The following CREB3L2 variants were observed in gnomAD, a reference collection of about 807,000 sequenced individuals.
CREB3L2 encodes the protein cAMP responsive element binding protein 3 like 2.
A neutral mutation model predicts 57.2 loss-of-function variants in CREB3L2; 23 were observed. That is an observed-to-expected ratio of 0.40 (90% CI 0.29 to 0.57). CREB3L2 has a LOEUF of 0.57. Among genes scored for constraint, CREB3L2 ranks in the 20% least tolerant of loss-of-function variants. CREB3L2 has a pLI of 0.42. For synonymous variants in CREB3L2, 268 were observed against 265.1 expected (o/e 1.01, Z -0.11); for missense variants, 628 against 634.7 (o/e 0.99, Z 0.11).
intron 2 of CREB3L2, among the ~76,000 whole-genome samples, chr7:137,927,693 G>A (rs1412214794): frequency 6.6e-6 from 1 of 151,520 alleles, no homozygotes; most frequent in Non-Finnish European, 1.5e-5. Flanking sequence ...TGTCCACTAA[G>A]ATCTGGGGTG....
chr7:137,984,170 G>A (rs1335416701), intron 1 of CREB3L2, among the ~76,000 whole-genome samples: 3 of 152,190 alleles, frequency 2.0e-5, no homozygotes, highest in Admixed American at 1.3e-4. Context: ...TTGGGAAAAT[G>A]TTATTTTGGG....
At chr7:137,972,713 A>AAAAAAAAAAAAAAC (rs1801533598) in intron 1 of CREB3L2, among the ~76,000 whole-genome samples, 1 of 32,932 alleles carries the variant, frequency 3.0e-5, no homozygotes, top group Non-Finnish European at 5.3e-5. Flanking sequence ...AAAAAAAAAA[A>AAAAAAAAAAAAAAC]TATATATATA....
At chr7:137,914,323 A>T (rs2117217406) in intron 3 of CREB3L2, among the ~76,000 whole-genome samples, 1 of 152,252 alleles carries the variant, frequency 6.6e-6, no homozygotes, top group African/African-American at 2.4e-5. Context: ...GAGCTTTGCT[A>T]GTTACATACT....
At chr7:137,948,429 T>C (rs1315585021) in intron 1 of CREB3L2, among the ~76,000 whole-genome samples, 1 of 152,184 alleles carries the variant, frequency 6.6e-6, no homozygotes, top group Non-Finnish European at 1.5e-5. Flanking sequence ...CCATAGCTTC[T>C]CCATCTCCTC....
chr7:137,877,631 T>C lies in CREB3L2; in HGVS notation c.*2845A>G. Reference sequence around the variant, plus strand: ...AAGAAAGGGAAATGGGAAACTTGTTTACATGATGAAAAATATAATTAAGAG... The same window carrying C: ...AAGAAAGGGAAATGGGAAACTTGTTCACATGATGAAAAATATAATTAAGAG... On this transcript the variant is annotated 3_prime_UTR_variant, in exon 12 of 12. Coordinates refer to ENST00000330387, the MANE Select transcript of CREB3L2 (RefSeq NM_194071.4). The C allele has an allele frequency of 1.8e-5, 4 of 226,108 alleles. No individual in the cohort carries two copies. The highest frequency in any genetic ancestry group is 3.5e-5 in the Non-Finnish European group (4 of 113,688). The allele number at this position is 226,108 out of a possible 1,614,324, so 14.0% of individuals were successfully genotyped here. A position where few individuals can be genotyped will look rare whatever the true frequency, so the allele number is the denominator to read the frequency against.
At chr7:137,921,034 T>C (rs1585626325) in intron 2 of CREB3L2, among the ~76,000 whole-genome samples, 1 of 152,220 alleles carries the variant, frequency 6.6e-6, no homozygotes, top group Non-Finnish European at 1.5e-5. Flanking sequence ...AAAAGATCAG[T>C]AGGGCCACCC....
rs543766767 is a variant in CREB3L2 at position 137,880,461 on chromosome 7, G to T, written c.*15C>A. 3.0e-5 allele frequency: 48 copies of T among 1,605,320 alleles called. No individual in the cohort carries two copies. In the East Asian group the frequency reaches 1.0e-3, roughly 34 times the overall value. On this transcript the variant is annotated 3_prime_UTR_variant, in exon 12 of 12. Coordinates refer to ENST00000330387, the MANE Select transcript of CREB3L2 (RefSeq NM_194071.4). The surrounding 1 kb of genome is among the most constrained non-coding windows in gnomAD (Gnocchi z 4.0). ...AGTAGAGTTAAGGGAAAGGGAGGGG[G>T]TGCAGGCAGCCTCTTTAGAAAGTGG...
Position 137,909,631 on chromosome 7 carries a change from G to A in CREB3L2, c.584-1195C>T, listed in dbSNP as rs539292687. On this transcript the variant is annotated intron_variant, in intron 4 of 11. Transcript: ENST00000330387. ...CAGAGAACTAACTGCTGAAGGCCAC[G>A]GGAAGCCTCAGCACATCACCTCCTT... is the stretch of plus-strand genomic sequence containing the variant. Among the ~76,000 whole-genome samples, 7 of 152,180 alleles carry A rather than the reference G, an allele frequency of 4.6e-5. No individual in the cohort carries two copies. In the South Asian group the frequency reaches 6.2e-4, roughly 14 times the overall value.
intron 1 of CREB3L2, among the ~76,000 whole-genome samples, chr7:137,976,154 T>C (rs1258464605): frequency 6.6e-6 from 1 of 152,264 alleles, no homozygotes; most frequent in African/African-American, 2.4e-5. Flanking sequence ...ATATGGATAT[T>C]TTATCAGCCA....
At chr7:137,952,568 C>A (rs1801122763) in intron 1 of CREB3L2, among the ~76,000 whole-genome samples, 1 of 152,190 alleles carries the variant, frequency 6.6e-6, no homozygotes, top group East Asian at 1.9e-4. Context: ...GATCTGGCCC[C>A]TGCTTTCCCG....
In CREB3L2 at chr7:137,980,115, A is replaced by C. The variant is rs539039106; in HGVS notation, c.102+21489T>G. On this transcript the variant is annotated intron_variant, in intron 1 of 11. Transcript: ENST00000330387. The surrounding 1 kb of genome is among the most constrained non-coding windows in gnomAD (Gnocchi z 4.3). ...GTCTAGAGTAGGGCCTGAGATTCTG[A>C]ATTTGTGACAAACTCCCAGGAGATG... 5.9e-5 allele frequency among the ~76,000 whole-genome samples: 9 copies of C among 152,296 alleles called. No individual in the cohort carries two copies. The highest frequency in any genetic ancestry group is 1.2e-4 in the Non-Finnish European group (8 of 68,020).
At chr7:137,885,158 G>A in intron 9 of CREB3L2, 37 bp from the exon 10 acceptor site, 2 of 1,610,282 alleles carry the variant, frequency 1.2e-6, no homozygotes, top group Non-Finnish European at 1.7e-6. Flanking sequence ...AACACGAGGG[G>A]CTGTGGACTT....
chr7:137,964,247 T>C (rs1014610566), intron 1 of CREB3L2, among the ~76,000 whole-genome samples: 2 of 152,144 alleles, frequency 1.3e-5, no homozygotes, highest in Non-Finnish European at 2.9e-5. Flanking sequence ...ACCCAGGAGA[T>C]GGAGGTTGCA....
chr7:137,930,723 G>A (rs1284796536), intron 1 of CREB3L2, among the ~76,000 whole-genome samples: 3 of 152,162 alleles, frequency 2.0e-5, no homozygotes, highest in Non-Finnish European at 4.4e-5. Flanking sequence ...GATTGTCTAT[G>A]AGAACAAGAG....
chr7:137,898,960 A>AAAGGAAGG lies in CREB3L2; in HGVS notation c.1043+2386_1043+2393dup, dbSNP rs145339071. On this transcript the variant is annotated intron_variant, in intron 8 of 11. Transcript: ENST00000330387. ...GGAGGGAGGAACAAAGGAAAGAAGG[A>AAAGGAAGG]AAGGAAGGAAGGAAGGAAGGAAGGA... 6.2e-3 allele frequency among the ~76,000 whole-genome samples: 828 copies of AAAGGAAGG among 132,788 alleles called. 30 individuals are homozygous for AAAGGAAGG. The highest frequency in any genetic ancestry group is 0.03 in the African/African-American group (778 of 26,204). 87.1% of individuals were successfully genotyped at this position (132,788 alleles called of 152,430 possible).
chr7:137,983,047 G>C (rs1026242096), intron 1 of CREB3L2, among the ~76,000 whole-genome samples: 2 of 152,132 alleles, frequency 1.3e-5, no homozygotes, highest in Non-Finnish European at 2.9e-5. Flanking sequence ...ATAAATACCT[G>C]TTGTTTAAGT....
chr7:137,999,150 C>T (rs1344189884), intron 1 of CREB3L2, among the ~76,000 whole-genome samples: 1 of 152,058 alleles, frequency 6.6e-6, no homozygotes, highest in Non-Finnish European at 1.5e-5. Context: ...TAGGCCTTTG[C>T]TCTAGTTCTT....
chr7:137,995,698 T>A (rs2117334134), intron 1 of CREB3L2, among the ~76,000 whole-genome samples: 1 of 152,336 alleles, frequency 6.6e-6, no homozygotes, highest in East Asian at 1.9e-4. Flanking sequence ...CCGATCTGAA[T>A]CCATTTTCAG....
chr7:137,894,776 C>CA (rs1563242244), intron 8 of CREB3L2, among the ~76,000 whole-genome samples: 1 of 152,154 alleles, frequency 6.6e-6, no homozygotes, highest in Non-Finnish European at 1.5e-5. Flanking sequence ...GAGTCCAAAT[C>CA]AAGGGCCCTT....
Sources: allele counts gnomAD v4.1 joint callset (sites outside exome capture counted in the v4.1 genomes callset), GRCh38; gene constraint gnomAD v4.1.1; non-coding constraint Gnocchi (gnomAD v3.1); transcripts MANE v1.5; gene names NCBI Gene and HGNC (gene_info 2026-07-23, HGNC 2026-07-21).